PCDHA2: variants seen among roughly 807,000 people sequenced by gnomAD.
PCDHA2 encodes protocadherin alpha 2, also known as protocadherin alpha-2.
PCDHA2 carries 58 observed loss-of-function variants against 66.0 expected under a neutral mutation model. That is an observed-to-expected ratio of 0.88 (90% CI 0.71 to 1.09). The LOEUF (loss-of-function observed/expected upper bound fraction) is 1.09, where lower values mean the gene tolerates loss of function less well. PCDHA2 is among the 50% of genes least tolerant of loss of function. The pLI, the probability that PCDHA2 is intolerant of heterozygous loss-of-function variation, is 0.00. For synonymous variants in PCDHA2, 634 were observed against 554.0 expected, an observed-to-expected ratio of 1.14 and a Z score of -2.03; for missense variants, 1,267 against 1,242.3, an observed-to-expected ratio of 1.02 and a Z score of -0.30.
chr5:140,968,203 G>A, intron 1 of PCDHA2: 5 of 1,614,018 alleles, frequency 3.1e-6, no homozygotes, highest in Non-Finnish European at 4.2e-6. Context: ...TCTACATACA[G>A]GAGAACAATT....
rs1231856848 is a variant in PCDHA2 at position 141,000,389 on chromosome 5, CTCTCTCTA to C, written c.2537-9236_2537-9229del. 6.2e-3 allele frequency among the ~76,000 whole-genome samples: 389 copies of C among 62,448 alleles called. 3 individuals are homozygous for C. Among genetic ancestry groups the C allele is most frequent in the East Asian group, 0.011 (21 of 1,838 alleles). The allele number at this position is 62,448 out of a possible 152,430, so 41.0% of individuals were successfully genotyped here. A position where few individuals can be genotyped will look rare whatever the true frequency, so the allele number is the denominator to read the frequency against. ...TCTCTCTCTCTCTCTCTCTCTCTCT[CTCTCTCTA>C]TATATATATATATATATATATATAT... is the stretch of plus-strand genomic sequence containing the variant. On this transcript the variant is annotated intron_variant, in intron 3 of 3. Coordinates refer to ENST00000526136, the MANE Select transcript of PCDHA2 (RefSeq NM_018905.3).
rs1372096351 is a variant in PCDHA2, at chr5:140,851,273, G to A, written c.2388+53921G>A. 3 of 1,057,916 alleles carry A rather than the reference G, an allele frequency of 2.8e-6. No homozygotes were observed. In the African/African-American group the frequency reaches 5.0e-5, roughly 18 times the overall value. The allele number at this position is 1,057,916 out of a possible 1,614,324, so 65.5% of individuals were successfully genotyped here. On this transcript the variant is annotated intron_variant, in intron 1 of 3. Coordinates refer to ENST00000526136, the MANE Select transcript of PCDHA2 (RefSeq NM_018905.3). ...CATAGTATTTTAGTCTACTTGTATT[G>A]TTTATAAGAAACCCAAGCAAAAATA...
chr5:140,912,222 C>G (rs782160814), intron 1 of PCDHA2, among the ~76,000 whole-genome samples: 2 of 151,926 alleles, frequency 1.3e-5, no homozygotes, highest in Non-Finnish European at 2.9e-5. Flanking sequence ...CTGCCTTTCC[C>G]AGTCCACTGA....
At chr5:140,883,121 G>A in intron 1 of PCDHA2, 3 of 1,614,070 alleles carry the variant, frequency 1.9e-6, no homozygotes, top group Non-Finnish European at 2.5e-6. Context: ...TAGAAGGCCT[G>A]TATGGCCTGC....
At position 140,823,147 on chromosome 5, in the gene PCDHA2, C is replaced by G. The variant is rs144629482; in HGVS notation, c.2388+25795C>G. 35 of 1,613,884 alleles carry G rather than the reference C, an allele frequency of 2.2e-5. No homozygotes were observed. The Admixed American group carries it at 3.8e-4, about 18-fold the overall frequency. On this transcript the variant is annotated intron_variant, in intron 1 of 3. Transcript: ENST00000526136. Reference sequence around the variant, plus strand: ...CAACGCTCCGGCGTTCGCGCAGCCCCAGTATACCGTGTTCGTGAAGGAGAA... The same window carrying G: ...CAACGCTCCGGCGTTCGCGCAGCCCGAGTATACCGTGTTCGTGAAGGAGAA...
chr5:140,927,086 A>G (rs2083826085), intron 1 of PCDHA2: 5 of 1,612,296 alleles, frequency 3.1e-6, no homozygotes, highest in Non-Finnish European at 3.4e-6. Context: ...CGCGAGCTCT[A>G]CTTCGGGGTG....
At chr5:140,877,274 C>G (rs781933102) in intron 1 of PCDHA2, 1 of 1,613,856 alleles carries the variant, frequency 6.2e-7, no homozygotes, top group South Asian at 1.1e-5. Context: ...GACGCTGACT[C>G]CGGCTATAAC....
chr5:140,980,695 G>A (rs1403740157), intron 2 of PCDHA2, among the ~76,000 whole-genome samples: 1 of 149,792 alleles, frequency 6.7e-6, no homozygotes, highest in Non-Finnish European at 1.5e-5. Context: ...AAAAAAAAAA[G>A]CCAAATGTGC....
chr5:140,898,913 G>T (rs1554188302), intron 1 of PCDHA2, among the ~76,000 whole-genome samples: 1 of 152,066 alleles, frequency 6.6e-6, no homozygotes, highest in Non-Finnish European at 1.5e-5. Context: ...CACGTCCCTT[G>T]TAAGTTGGAT....
chr5:140,950,270 G>A (rs980703743), intron 1 of PCDHA2, among the ~76,000 whole-genome samples: 1 of 151,960 alleles, frequency 6.6e-6, no homozygotes, highest in East Asian at 1.9e-4. Flanking sequence ...TATCCATAAT[G>A]TCTTTTTGCT....
intron 1 of PCDHA2, chr5:140,857,253 A>G (rs1554149722): frequency 1.3e-6 from 2 of 1,598,432 alleles, no homozygotes; most frequent in Admixed American, 3.4e-5. Context: ...ACCTACAAGA[A>G]TTACTACTCA....
At chr5:140,822,944 C>T (rs2150120585) in intron 1 of PCDHA2, 2 of 1,614,240 alleles carry the variant, frequency 1.2e-6, no homozygotes, top group South Asian at 1.1e-5. Context: ...TCCCTAATGC[C>T]CCACGTTCCC....
intron 1 of PCDHA2, chr5:140,830,716 A>G (rs1437776192): frequency 8.4e-6 from 2 of 237,240 alleles, no homozygotes; most frequent in Non-Finnish European, 1.6e-5. Flanking sequence ...TTGTCTTCAA[A>G]CCAAAATATT....
At chr5:140,924,901 A>AAAAATAAAAT (rs10667761) in intron 1 of PCDHA2, among the ~76,000 whole-genome samples, 205 of 80,488 alleles carry the variant, frequency 2.5e-3, no homozygotes, top group South Asian at 0.019. Flanking sequence ...TCTCAAAAAA[A>AAAAATAAAAT]AAAATAAAAT....
At chr5:140,870,034 G>GA in intron 1 of PCDHA2, 6 of 1,613,690 alleles carry the variant, frequency 3.7e-6, no homozygotes, top group Non-Finnish European at 5.1e-6. Flanking sequence ...AGATTATGAA[G>GA]AAAACAAGTT....
chr5:140,813,619 T>C (rs1554126251), intron 1 of PCDHA2: 1 of 152,184 alleles, frequency 6.6e-6, no homozygotes, highest in Non-Finnish European at 1.5e-5. Flanking sequence ...GGTGAGTGAA[T>C]GTGAAGGCCC....
intron 1 of PCDHA2, among the ~76,000 whole-genome samples, chr5:140,888,729 T>G (rs1214867910): frequency 6.6e-6 from 1 of 152,156 alleles, no homozygotes; most frequent in Admixed American, 6.5e-5. Context: ...CAGCCCTTTG[T>G]GAGCTCTAGG....
chr5:140,808,166 C>T (rs1554124439), intron 1 of PCDHA2: 2 of 1,614,162 alleles, frequency 1.2e-6, no homozygotes, highest in Non-Finnish European at 1.7e-6. Context: ...TGATAAGGGA[C>T]AGCTCCCACT....
In PCDHA2 at chr5:141,009,880, C is replaced by G; in HGVS notation, c.2790C>G (p.Asn930Lys). The G allele has an allele frequency of 6.2e-7, 1 of 1,613,788 alleles. No individual in the cohort carries two copies. The highest frequency in any genetic ancestry group is 1.1e-5 in the South Asian group (1 of 91,042). The change falls in exon 4 of 4, where the codon AAC (asparagine) becomes AAG (lysine). Residue 930 changes from asparagine to lysine, a missense_variant. By Grantham distance (94) the Asn-to-Lys change is moderately conservative. Transcript: ENST00000526136. ...TKKKKKKKKGNKTQEKKEKGN... is the reference protein window; with the variant it reads ...TKKKKKKKKGKKTQEKKEKGN... ...AAAAGAAGAAAAAGAAGAAGGGTAA[C>G]AAGACCCAGGAGAAAAAAGAGAAAG...
Sources: gnomAD v4.1 joint callset for allele counts (sites outside exome capture counted in the v4.1 genomes callset) on GRCh38, gnomAD v4.1.1 for gene constraint, MANE v1.5 for transcripts, NCBI Gene and HGNC (gene_info 2026-07-23, HGNC 2026-07-21) for gene names.